Variants in ANKRD1 observed in about 807,000 individuals in gnomAD.
The protein encoded by ANKRD1 is ankyrin repeat domain 1.
In ANKRD1, 32 loss-of-function variants were observed where a neutral mutation model predicts 40.1. That is an observed-to-expected ratio of 0.80 (90% CI 0.60 to 1.07). The LOEUF (loss-of-function observed/expected upper bound fraction) is 1.07. Ranked by LOEUF, ANKRD1 falls within the 50% of genes least tolerant of loss-of-function variation. The pLI is 0.00. For missense variants in ANKRD1, 359 were observed against 386.0 expected, an observed-to-expected ratio of 0.93 and a Z score of 0.59; for synonymous variants, 149 against 141.2, an observed-to-expected ratio of 1.06 and a Z score of -0.39.
chr10:90,920,068 T>C (rs1250565136), intron 2 of ANKRD1, 101 bp downstream of exon 2: 2 of 1,510,874 alleles, frequency 1.3e-6, no homozygotes, highest in Non-Finnish European at 1.8e-6. Flanking sequence ...TAAAGAGACA[T>C]CTTAATGATT....
chr10:90,918,884 T>C lies in ANKRD1; in HGVS notation c.434A>G (p.Asn145Ser), dbSNP rs1264072400. 2 of 1,611,702 alleles carry C rather than the reference T, an allele frequency of 1.2e-6. No individual in the cohort carries two copies. The highest frequency in any genetic ancestry group is 1.1e-5 in the South Asian group (1 of 91,030). Residue 145 changes from asparagine (N) to serine (S), a missense_variant, in exon 4 of 9, where the codon AAT (asparagine) becomes AGT (serine). By Grantham distance (46) the Asn-to-Ser change is conservative. Transcript: ENST00000371697. ...VVEKFLSDKN[N>S]PDVCDEYKRT... Reference sequence around the variant, plus strand: ...TCTTACCTCATCACAAACATCTGGATTGTTCTTGTCTGACAAGAATTTTTC... The same window carrying C: ...TCTTACCTCATCACAAACATCTGGACTGTTCTTGTCTGACAAGAATTTTTC...
At chr10:90,913,092 G>T in intron 8 of ANKRD1, 116 bp from the exon 9 acceptor site, 1 of 972,504 alleles carries the variant, frequency 1.0e-6, no homozygotes, top group Non-Finnish European at 1.6e-6. Context: ...AGTGTTTTAT[G>T]GTTTCCACCA....
chr10:90,919,413 A>G, intron 2 of ANKRD1, 145 bp from the exon 3 acceptor site: 1 of 683,206 alleles, frequency 1.5e-6, no homozygotes, highest in Non-Finnish European at 2.3e-6. Context: ...TAAATCTTTG[A>G]CTTCATTTTA....
chr10:90,920,160 G>A lies in ANKRD1; in HGVS notation c.207+9C>T. 6.2e-7 allele frequency: 1 copy of A among 1,613,112 alleles called. No individual in the cohort carries two copies. The highest frequency in any genetic ancestry group is 1.3e-5 in the African/African-American group (1 of 74,952). Reference sequence around the variant, plus strand: ...CATCCTACTAGTGGATTCCACAGATGGCTCTCACCTCTGCCTCTCGTTGTT... The same window carrying A: ...CATCCTACTAGTGGATTCCACAGATAGCTCTCACCTCTGCCTCTCGTTGTT... On this transcript the variant is annotated intron_variant, in intron 2 of 8. Coordinates refer to ENST00000371697, the MANE Select transcript of ANKRD1 (RefSeq NM_014391.3).
In ANKRD1 at chr10:90,912,706, T is replaced by A. The variant is rs1261837139; in HGVS notation, c.*160A>T. On this transcript the variant is annotated 3_prime_UTR_variant, in exon 9 of 9. Coordinates refer to ENST00000371697, the MANE Select transcript of ANKRD1 (RefSeq NM_014391.3). ...AAATAAGAGTTTCACTAAAGGAAATTTAAACACCTATAACCCTGTGCTTTC... is the reference window on the plus strand; with the variant it reads ...AAATAAGAGTTTCACTAAAGGAAATATAAACACCTATAACCCTGTGCTTTC... 1.5e-6 allele frequency: 1 copy of A among 681,578 alleles called. No individual in the cohort carries two copies. The highest frequency in any genetic ancestry group is 2.6e-5 in the East Asian group (1 of 37,920). The allele number at this position is 681,578 out of a possible 1,614,324, so 42.2% of individuals were successfully genotyped here.
chr10:90,912,887 G>T lies in ANKRD1; in HGVS notation c.939C>A (p.Thr313=). The stretch of plus-strand genomic sequence containing the variant: ...TGCCTCAGAATGTAGCTATGCGAGA[G>T]GTCTTGTAGGAGTTCTCTCTGAGGC... ...FDSLRENSYK[T]SRIATF The change falls in exon 9 of 9, where the codon ACC becomes ACA. Residue 313 remains threonine (T), a synonymous_variant. Transcript: ENST00000371697. 1 of 1,614,020 alleles carries T rather than the reference G, an allele frequency of 6.2e-7. No individual in the cohort carries two copies. The highest frequency in any genetic ancestry group is 8.5e-7 in the Non-Finnish European group (1 of 1,179,898).
intron 1 of ANKRD1, among the ~76,000 whole-genome samples, chr10:90,920,751 C>G (rs1847427759): frequency 6.6e-6 from 1 of 152,170 alleles, no homozygotes; most frequent in South Asian, 2.1e-4. Flanking sequence ...TTGATAACTA[C>G]ACGTGATTCC....
intron 8 of ANKRD1, among the ~76,000 whole-genome samples, chr10:90,915,041 A>C (rs1041345275): frequency 6.6e-6 from 1 of 152,252 alleles, no homozygotes; most frequent in Non-Finnish European, 1.5e-5. Flanking sequence ...TACCCCTGGA[A>C]GAAAATGGTG....
chr10:90,920,923 G>A, intron 1 of ANKRD1, 78 bp downstream of exon 1: 1 of 1,397,544 alleles, frequency 7.2e-7, no homozygotes, highest in Non-Finnish European at 1.0e-6. Context: ...ACACCTGAAA[G>A]CAAAGGGCAT....
chr10:90,920,892 T>C, intron 1 of ANKRD1, 109 bp downstream of exon 1: 1 of 1,071,448 alleles, frequency 9.3e-7, no homozygotes, highest in Non-Finnish European at 1.4e-6. Flanking sequence ...ATATATGACA[T>C]TTTCAGAGTT....
At chr10:90,919,705 C>G (rs1223241824) in intron 2 of ANKRD1, among the ~76,000 whole-genome samples, 1 of 152,176 alleles carries the variant, frequency 6.6e-6, no homozygotes, top group Non-Finnish European at 1.5e-5. Context: ...TAAGCAGAGC[C>G]TTCTAAAACA....
At position 90,915,570 on chromosome 10, in the gene ANKRD1, A is replaced by G. The variant is rs747528813; in HGVS notation, c.822T>C (p.Tyr274=). Residue 274 remains tyrosine (Y), a synonymous_variant, in exon 8 of 9, where the codon TAT becomes TAC. Transcript: ENST00000371697. The stretch of plus-strand genomic sequence containing the variant: ...AGTTCTTGATGTTGAGATCCGCGCC[A>G]TACATAATCAGGAGTCGGATCATCT... ...RYKMIRLLIM[Y]GADLNIKNCA... 8.7e-6 allele frequency: 14 copies of G among 1,613,882 alleles called. No individual in the cohort carries two copies. Among genetic ancestry groups the G allele is most frequent in the South Asian group, 5.5e-5 (5 of 91,078 alleles).
At chr10:90,916,014 T>C in intron 6 of ANKRD1, 134 bp from the exon 7 acceptor site, 1 of 664,560 alleles carries the variant, frequency 1.5e-6, no homozygotes, top group East Asian at 4.4e-5. Context: ...ATGACTTTAA[T>C]GGAGAGGCGA....
rs377074932 is a variant in ANKRD1 at position 90,915,572 on chromosome 10, A to G, written c.820T>C (p.Tyr274His). 208 of 1,613,968 alleles carry G rather than the reference A, an allele frequency of 1.3e-4. 1 individual carries two copies. Among genetic ancestry groups the G allele is most frequent in the Non-Finnish European group, 1.4e-4 (162 of 1,180,006 alleles). ...TTCTTGATGTTGAGATCCGCGCCAT[A>G]CATAATCAGGAGTCGGATCATCTTA... Reference protein sequence around the residue: ...RYKMIRLLIMYGADLNIKNCA... With the variant: ...RYKMIRLLIMHGADLNIKNCA... The change falls in exon 8 of 9, where the codon TAT (tyrosine) becomes CAT (histidine). Residue 274 changes from tyrosine to histidine, a missense_variant. By Grantham distance (83) the Tyr-to-His change is moderately conservative. Transcript: ENST00000371697.
In ANKRD1 at chr10:90,916,216, TA is replaced by T. The variant is rs1226440621; in HGVS notation, c.605del (p.Leu202Ter). 1.5e-5 allele frequency: 25 copies of T among 1,614,032 alleles called. No individual in the cohort carries two copies. The highest frequency in any genetic ancestry group is 2.0e-5 in the Non-Finnish European group (24 of 1,179,982). On this transcript the variant is annotated frameshift_variant, in exon 6 of 9. Coordinates refer to ENST00000371697, the MANE Select transcript of ANKRD1 (RefSeq NM_014391.3). LOFTEE classifies it high-confidence loss of function. ...WASRGGNLDVLKLLLNKGAKI... is the reference protein window; with the variant it reads ...WASRGGNLDVXKLLLNKGAKI... The stretch of plus-strand genomic sequence containing the variant: ...TTGCTCCTTTATTCAGCAACAATTT[TA>T]AAACATCCAGGTTTCCTCCACGGCT...
At position 90,918,983 on chromosome 10, in the gene ANKRD1, AATAAATAAATATATATATATATAT is replaced by A. The variant is rs751458325; in HGVS notation, c.346-35_346-12del. On this transcript the variant is annotated splice_polypyrimidine_tract_variant and intron_variant, in intron 3 of 8. Coordinates refer to ENST00000371697, the MANE Select transcript of ANKRD1 (RefSeq NM_014391.3). ...ATCCACAGGTTCCGTCTAAAGCCAAAATAAATAAATATATATATATATATATATATATAGCATGAGAGTTACCGT... is the reference window on the plus strand; with the variant it reads ...ATCCACAGGTTCCGTCTAAAGCCAAAATATATATAGCATGAGAGTTACCGT... The A allele has an allele frequency of 0.094, 133,104 of 1,408,706 alleles. 15,863 individuals carry two copies. Among genetic ancestry groups the A allele is most frequent in the Non-Finnish European group, 0.11 (112,760 of 1,062,798 alleles). The allele number at this position is 1,408,706 out of a possible 1,614,324, so 87.3% of individuals were successfully genotyped here.
intron 5 of ANKRD1, 84 bp downstream of exon 5, chr10:90,917,648 A>C: frequency 3.5e-6 from 4 of 1,152,198 alleles, no homozygotes; most frequent in Non-Finnish European, 5.2e-6. Context: ...CAATCCAATC[A>C]GCTCGGTTTT....
Position 90,918,991 on chromosome 10 carries a change from A to AAT in ANKRD1, c.346-21_346-20dup, listed in dbSNP as rs60406118. 0.04 allele frequency: 10,081 copies of AAT among 254,354 alleles called. 104 individuals are homozygous for AAT. The highest frequency in any genetic ancestry group is 0.062 in the African/African-American group (898 of 14,542). 15.8% of individuals were successfully genotyped at this position (254,354 alleles called of 1,614,324 possible). A position where few individuals can be genotyped will look rare whatever the true frequency, so the allele number is the denominator to read the frequency against. ...GTTCCGTCTAAAGCCAAAATAAATA[A>AAT]ATATATATATATATATATATATATA... On this transcript the variant is annotated intron_variant, in intron 3 of 8. Transcript: ENST00000371697.
chr10:90,917,804 TGCTCTATGAAGA>T lies in ANKRD1; in HGVS notation c.468_479del (p.Leu157_Ala160del). ...CAATTGCCAAATGTCCTTCCAAGCA[TGCTCTATGAAGA>T]GCTGTCCGTTTATACTATCAGAACA... On this transcript the variant is annotated inframe_deletion, in exon 5 of 9. Coordinates refer to ENST00000371697, the MANE Select transcript of ANKRD1 (RefSeq NM_014391.3). 1 of 1,614,044 alleles carries T rather than the reference TGCTCTATGAAGA, an allele frequency of 6.2e-7. No homozygotes were observed. Among genetic ancestry groups the T allele is most frequent in the Non-Finnish European group, 8.5e-7 (1 of 1,179,944 alleles).
Sources: gnomAD v4.1 joint callset for allele counts (sites outside exome capture counted in the v4.1 genomes callset) on GRCh38, gnomAD v4.1.1 for gene constraint, MANE v1.5 for transcripts, NCBI Gene and HGNC (gene_info 2026-07-23, HGNC 2026-07-21) for gene names.